FAM135B: variants seen among roughly 807,000 people sequenced by gnomAD.
FAM135B encodes family with sequence similarity 135 member B, also known as protein FAM135B.
A neutral mutation model predicts 127.7 loss-of-function variants in FAM135B; 43 were observed. The ratio of observed to expected loss-of-function variants is 0.34; its 90% CI spans 0.26 to 0.43. The LOEUF is 0.43. FAM135B is among the 20% of genes least tolerant of loss of function. The pLI, the probability that FAM135B is intolerant of heterozygous loss-of-function variation, is 1.00. For synonymous variants in FAM135B, 670 were observed against 665.1 expected, an observed-to-expected ratio of 1.01 and a Z score of -0.11; for missense variants, 1,558 against 1,725.6, an observed-to-expected ratio of 0.90 and a Z score of 1.72.
rs150371983 is a variant in FAM135B, at chr8:138,291,222, T to C, written c.157+19619A>G. 5.3e-3 allele frequency among the ~76,000 whole-genome samples: 806 copies of C among 152,294 alleles called. 6 individuals are homozygous for C. The highest frequency in any genetic ancestry group is 0.014 in the Middle Eastern group (4 of 294). On this transcript the variant is annotated intron_variant, in intron 3 of 19. Coordinates refer to ENST00000395297, the MANE Select transcript of FAM135B (RefSeq NM_015912.4). ...CTATATTTAGACTAATAGAATAGCA[T>C]GTCTTAGTGAAAGATTGGAACCTCA...
chr8:138,171,293 G>A (rs1820417089), intron 11 of FAM135B, among the ~76,000 whole-genome samples: 1 of 152,154 alleles, frequency 6.6e-6, no homozygotes, highest in Admixed American at 6.5e-5. Flanking sequence ...GCAAGTCGGG[G>A]AGAAGTGTTC....
chr8:138,306,591 T>A (rs1826280049), intron 3 of FAM135B, among the ~76,000 whole-genome samples: 1 of 150,636 alleles, frequency 6.6e-6, no homozygotes, highest in Non-Finnish European at 1.5e-5. Context: ...ATTCTTTTTT[T>A]TTTTTTTTTG....
At chr8:138,285,671 A>G (rs1194403949) in intron 3 of FAM135B, among the ~76,000 whole-genome samples, 1 of 152,238 alleles carries the variant, frequency 6.6e-6, no homozygotes, top group Admixed American at 6.5e-5. Context: ...CAGAGAGCTG[A>G]GCAAAGTACA....
At chr8:138,298,972 A>G (rs1825670222) in intron 3 of FAM135B, among the ~76,000 whole-genome samples, 1 of 151,932 alleles carries the variant, frequency 6.6e-6, no homozygotes, top group Non-Finnish European at 1.5e-5. Context: ...AGGCACAAGA[A>G]TCACTTGAAC....
At chr8:138,371,017 A>G (rs920566614) in intron 1 of FAM135B, among the ~76,000 whole-genome samples, 1 of 152,188 alleles carries the variant, frequency 6.6e-6, no homozygotes, top group Non-Finnish European at 1.5e-5. Context: ...AGTTTCAGGG[A>G]TCTGTGTTTT....
chr8:138,310,744 T>G, intron 3 of FAM135B, 97 bp downstream of exon 3: 1 of 1,070,598 alleles, frequency 9.3e-7, no homozygotes, highest in Admixed American at 2.3e-5. Context: ...TGACTGAGTA[T>G]GTCTACATGC....
chr8:138,344,143 C>T lies in FAM135B; in HGVS notation c.77+23764G>A, dbSNP rs146670154. Among the ~76,000 whole-genome samples the T allele has an allele frequency of 3.7e-3, 571 of 152,310 alleles. 3 individuals carry two copies. Among genetic ancestry groups the T allele is most frequent in the Non-Finnish European group, 4.6e-3 (313 of 68,032 alleles). On this transcript the variant is annotated intron_variant, in intron 2 of 19. Transcript: ENST00000395297. Reference sequence around the variant, plus strand: ...GCAGTGAAGATGCTGAGAAGAGCTGCAGGATTTGAGGTATCTTACGAATGT... The same window carrying T: ...GCAGTGAAGATGCTGAGAAGAGCTGTAGGATTTGAGGTATCTTACGAATGT...
At chr8:138,397,768 G>C (rs954672389) in intron 1 of FAM135B, among the ~76,000 whole-genome samples, 2 of 152,116 alleles carry the variant, frequency 1.3e-5, no homozygotes, top group East Asian at 3.9e-4. Flanking sequence ...CAGAGCTCCC[G>C]TCCCTAGAAC....
At position 138,195,323 on chromosome 8, in the gene FAM135B, A is replaced by G. The variant is rs201663168; in HGVS notation, c.824-16T>C. On this transcript the variant is annotated splice_polypyrimidine_tract_variant and intron_variant, in intron 8 of 19. Coordinates refer to ENST00000395297, the MANE Select transcript of FAM135B (RefSeq NM_015912.4). Reference sequence around the variant, plus strand: ...GCAAGGGCCTCTAGAAAGAAAAAATAAACTGTGTGATTAAATGAACCCACA... The same window carrying G: ...GCAAGGGCCTCTAGAAAGAAAAAATGAACTGTGTGATTAAATGAACCCACA... The G allele has an allele frequency of 1.1e-4, 184 of 1,613,128 alleles. No individual in the cohort carries two copies. Among genetic ancestry groups the G allele is most frequent in the Middle Eastern group, 1.6e-4 (1 of 6,082 alleles).
At chr8:138,407,059 T>A (rs1833550387) in intron 1 of FAM135B, among the ~76,000 whole-genome samples, 2 of 150,564 alleles carry the variant, frequency 1.3e-5, no homozygotes, top group Non-Finnish European at 3.0e-5. Flanking sequence ...TTCAGCAGAG[T>A]CTCAGGATAC....
At chr8:138,217,499 C>T (rs1205410222) in intron 7 of FAM135B, among the ~76,000 whole-genome samples, 10 of 147,450 alleles carry the variant, frequency 6.8e-5, no homozygotes, top group Admixed American at 2.8e-4. Context: ...GGCACGATCT[C>T]GGCTCACTGC....
intron 3 of FAM135B, among the ~76,000 whole-genome samples, chr8:138,292,242 T>C (rs1402284053): frequency 6.6e-6 from 1 of 152,068 alleles, no homozygotes; most frequent in East Asian, 1.9e-4. Context: ...ACTGAAAATA[T>C]AAGACACTAA....
At chr8:138,345,310 G>A (rs1829335318) in intron 2 of FAM135B, among the ~76,000 whole-genome samples, 1 of 152,194 alleles carries the variant, frequency 6.6e-6, no homozygotes, top group African/African-American at 2.4e-5. Context: ...TCCTCAAACA[G>A]GATCAGCCGT....
chr8:138,219,810 C>T (rs1400981098), intron 7 of FAM135B, among the ~76,000 whole-genome samples: 1 of 152,168 alleles, frequency 6.6e-6, no homozygotes, highest in African/African-American at 2.4e-5. Context: ...CTAGTCAGCT[C>T]TTTCCCTCTA....
At chr8:138,225,474 C>CA (rs137859487) in intron 7 of FAM135B, among the ~76,000 whole-genome samples, 18,215 of 149,086 alleles carry the variant, frequency 0.12, 1,209 homozygotes, top group African/African-American at 0.13. Context: ...AACAAAAAAA[C>CA]AAAAAAAACA....
At chr8:138,363,730 A>G (rs1452717646) in intron 2 of FAM135B, among the ~76,000 whole-genome samples, 1 of 152,222 alleles carries the variant, frequency 6.6e-6, no homozygotes, top group Non-Finnish European at 1.5e-5. Context: ...AGGACAAATT[A>G]TCAGGCAATA....
At chr8:138,396,402 C>T (rs1832854711) in intron 1 of FAM135B, among the ~76,000 whole-genome samples, 1 of 152,166 alleles carries the variant, frequency 6.6e-6, no homozygotes, top group African/African-American at 2.4e-5. Flanking sequence ...TCAATACCTT[C>T]TTGATGACGT....
chr8:138,348,110 T>C (rs7013982), intron 2 of FAM135B, among the ~76,000 whole-genome samples: 135,631 of 140,856 alleles, frequency 0.96, 65,556 homozygotes, highest in East Asian at 1. Context: ...ATCAGATTAG[T>C]TCTTCTTTTT....
intron 9 of FAM135B, among the ~76,000 whole-genome samples, chr8:138,182,299 G>C (rs982791700): frequency 1.3e-5 from 2 of 152,228 alleles, no homozygotes; most frequent in Non-Finnish European, 2.9e-5. Context: ...GCCCGAGCCT[G>C]TGCAATCACA....
Sources: gnomAD v4.1 joint callset for allele counts (sites outside exome capture counted in the v4.1 genomes callset) on GRCh38, gnomAD v4.1.1 for gene constraint, MANE v1.5 for transcripts, NCBI Gene and HGNC (gene_info 2026-07-23, HGNC 2026-07-21) for gene names.